Variants in FMN2 observed in about 807,000 individuals in gnomAD.
FMN2 encodes formin-2.
Under a neutral mutation model 142.3 loss-of-function variants are expected in FMN2, and 51 were observed. That is an observed-to-expected ratio of 0.36 (90% CI 0.29 to 0.45). The LOEUF (loss-of-function observed/expected upper bound fraction) is 0.45. Ranked by LOEUF, FMN2 falls within the 20% of genes least tolerant of loss-of-function variation. The pLI, the probability that FMN2 is intolerant of heterozygous loss-of-function variation, is 1.00. For synonymous variants in FMN2, 882 were observed against 869.8 expected, an observed-to-expected ratio of 1.01 and a Z score of -0.25; for missense variants, 1,936 against 2,122.8, an observed-to-expected ratio of 0.91 and a Z score of 1.73.
At chr1:240,460,399 C>G (rs1171974766) in intron 16 of FMN2, among the ~76,000 whole-genome samples, 1 of 152,104 alleles carries the variant, frequency 6.6e-6, no homozygotes, top group Non-Finnish European at 1.5e-5. Flanking sequence ...CGAGACCAGC[C>G]TGGGAAACAT....
rs757662354 is a variant in FMN2 at position 240,093,212 on chromosome 1, C to T, written c.1103C>T (p.Pro368Leu). The T allele has an allele frequency of 2.7e-6, 4 of 1,507,502 alleles. No individual in the cohort carries two copies. Among genetic ancestry groups the T allele is most frequent in the Non-Finnish European group, 2.7e-6 (3 of 1,129,560 alleles). The allele number at this position is 1,507,502 out of a possible 1,614,324, so 93.4% of individuals were successfully genotyped here. The change falls in exon 1 of 18, where the codon CCG (proline) becomes CTG (leucine). Residue 368 changes from proline to leucine, a missense_variant. Physicochemically the swap from Pro to Leu is moderately conservative, Grantham distance 98. This residue lies in a region of FMN2 where 751 missense variants were observed against 791.8 expected (regional missense o/e 0.95). Transcript: ENST00000319653. ...PRGSPGEEWAPEVGEDAPQRL... is the reference protein window; with the variant it reads ...PRGSPGEEWALEVGEDAPQRL... ...GGCTCTCCGGGGGAGGAGTGGGCCC[C>T]GGAGGTGGGAGAGGACGCCCCGCAG...
chr1:240,210,998 C>A, intron 5 of FMN2, 93 bp from the exon 6 acceptor site: 1 of 1,179,106 alleles, frequency 8.5e-7, no homozygotes, highest in Non-Finnish European at 1.2e-6. Flanking sequence ...CTCCTGCTGG[C>A]CTTCCTCCCT....
chr1:240,329,247 T>C (rs764908137), intron 9 of FMN2, 80 bp downstream of exon 9: 1 of 1,587,312 alleles, frequency 6.3e-7, no homozygotes, highest in African/African-American at 1.4e-5. Context: ...AAATGCGGTG[T>C]CTTCAGTGCA....
intron 7 of FMN2, among the ~76,000 whole-genome samples, chr1:240,289,889 A>T (rs536425111): frequency 2.6e-4 from 39 of 152,328 alleles, no homozygotes; most frequent in African/African-American, 9.4e-4. Context: ...TCATTTTATC[A>T]TGTAAACATT....
chr1:240,411,903 G>T (rs1674406891), intron 15 of FMN2, among the ~76,000 whole-genome samples: 1 of 152,140 alleles, frequency 6.6e-6, no homozygotes, highest in Non-Finnish European at 1.5e-5. Context: ...CTGAGTATTT[G>T]GTTCAGTGTT....
intron 8 of FMN2, among the ~76,000 whole-genome samples, chr1:240,313,076 C>G (rs1670648260): frequency 6.6e-6 from 1 of 152,216 alleles, no homozygotes; most frequent in African/African-American, 2.4e-5. Flanking sequence ...TATGTCACTT[C>G]CTATTGCAAC....
At chr1:240,320,372 T>C (rs1305925340) in intron 8 of FMN2, among the ~76,000 whole-genome samples, 1 of 152,172 alleles carries the variant, frequency 6.6e-6, no homozygotes, top group East Asian at 1.9e-4. Context: ...TATTTGGCCA[T>C]AAGGAAGAAT....
chr1:240,293,238 T>G (rs1467361569), intron 7 of FMN2, among the ~76,000 whole-genome samples: 1 of 152,118 alleles, frequency 6.6e-6, no homozygotes, highest in Non-Finnish European at 1.5e-5. Flanking sequence ...CTGTGTACTT[T>G]ATGAGCTTTG....
At chr1:240,296,735 C>T (rs1263652881) in intron 8 of FMN2, among the ~76,000 whole-genome samples, 1 of 151,368 alleles carries the variant, frequency 6.6e-6, no homozygotes, top group Non-Finnish European at 1.5e-5. Context: ...CGATGTAAGA[C>T]AAAATATGTC....
chr1:240,114,988 GA>G (rs1661967077), intron 1 of FMN2, among the ~76,000 whole-genome samples: 1 of 152,034 alleles, frequency 6.6e-6, no homozygotes, highest in South Asian at 2.1e-4. Context: ...ATTTTGGCTG[GA>G]ATTTTTCTGT....
intron 14 of FMN2, among the ~76,000 whole-genome samples, chr1:240,361,141 G>GTATATATATATA (rs202070560): frequency 3.5e-3 from 150 of 43,034 alleles, no homozygotes; most frequent in Non-Finnish European, 4.3e-3. Context: ...AAATATATGT[G>GTATATATATATA]TATATATATA....
At chr1:240,172,523 A>G (rs1401365920) in intron 2 of FMN2, among the ~76,000 whole-genome samples, 1 of 152,160 alleles carries the variant, frequency 6.6e-6, no homozygotes, top group Non-Finnish European at 1.5e-5. Context: ...GAATATCACC[A>G]TGTAATTTTC....
At chr1:240,461,051 C>T (rs1046612959) in intron 16 of FMN2, among the ~76,000 whole-genome samples, 3 of 152,178 alleles carry the variant, frequency 2.0e-5, no homozygotes, top group South Asian at 4.1e-4. Flanking sequence ...TAGTTCCAAC[C>T]GCAAGCTCTC....
At chr1:240,149,690 A>G (rs1420544141) in intron 2 of FMN2, among the ~76,000 whole-genome samples, 1 of 152,220 alleles carries the variant, frequency 6.6e-6, no homozygotes, top group Non-Finnish European at 1.5e-5. Flanking sequence ...TCTGCTGGTC[A>G]TTTCAAATTA....
chr1:240,305,961 T>G (rs2219327), intron 8 of FMN2, among the ~76,000 whole-genome samples: 2 of 115,628 alleles, frequency 1.7e-5, no homozygotes, highest in African/African-American at 8.2e-5. Context: ...GTTTTTTTTT[T>G]TTTTTTGAGG....
intron 15 of FMN2, among the ~76,000 whole-genome samples, chr1:240,422,381 G>A (rs1674798055): frequency 1.3e-5 from 2 of 152,140 alleles, no homozygotes; most frequent in African/African-American, 2.4e-5. Context: ...CATGAACATG[G>A]AGTATCTCTT....
At chr1:240,145,278 G>A (rs144171160) in intron 2 of FMN2, 40 of 1,423,842 alleles carry the variant, frequency 2.8e-5, no homozygotes, top group Middle Eastern at 1.9e-4. Context: ...GCATCCCGCC[G>A]CTCCTTGCCG....
chr1:240,345,484 T>C (rs570676318), intron 13 of FMN2, among the ~76,000 whole-genome samples: 13 of 152,250 alleles, frequency 8.5e-5, no homozygotes, highest in African/African-American at 3.1e-4. Context: ...GTTGTTTTTG[T>C]TTTTGAGACA....
rs369120788 is a variant in FMN2 at position 240,178,022 on chromosome 1, A to G, written c.1884A>G (p.Pro628=). ...GGCGAGTTCCATCCATGGGGCCACC[A>G]TCCAAACCTCCCGATGAGGAACACA... ...FPRRVPSMGP[P]SKPPDEEHRL... The change falls in exon 3 of 18, where the codon CCA becomes CCG. Residue 628 remains proline, a synonymous_variant. Coordinates refer to ENST00000319653, the MANE Select transcript of FMN2 (RefSeq NM_020066.5). 23 of 1,611,866 alleles carry G rather than the reference A, an allele frequency of 1.4e-5. No homozygotes were observed. The highest frequency in any genetic ancestry group is 6.7e-5 in the Admixed American group (4 of 59,450).
Sources: gnomAD v4.1 joint callset for allele counts (sites outside exome capture counted in the v4.1 genomes callset) on GRCh38, gnomAD v4.1.1 for gene constraint, gnomAD v4.1.1 regional missense constraint, MANE v1.5 for transcripts, NCBI Gene and HGNC (gene_info 2026-07-23, HGNC 2026-07-21) for gene names.